Variants in PLCE1 observed in about 807,000 individuals in gnomAD.
PLCE1 encodes the protein 1-phosphatidylinositol 4,5-bisphosphate phosphodiesterase epsilon-1.
In PLCE1, 119 loss-of-function variants were observed where a neutral mutation model predicts 242.8. The ratio of observed to expected loss-of-function variants is 0.49; its 90% CI spans 0.42 to 0.57. The LOEUF (loss-of-function observed/expected upper bound fraction) is 0.57, where lower values mean the gene tolerates loss of function less well. PLCE1 is among the 20% of genes least tolerant of loss of function. The pLI is 0.00. For missense variants in PLCE1, 2,441 were observed against 2,788.8 expected, an observed-to-expected ratio of 0.88 and a Z score of 2.81; for synonymous variants, 945 against 1,017.4, an observed-to-expected ratio of 0.93 and a Z score of 1.35.
intron 4 of PLCE1, among the ~76,000 whole-genome samples, chr10:94,185,055 A>G (rs1015398924): frequency 1.3e-5 from 2 of 152,256 alleles, no homozygotes; most frequent in African/African-American, 4.8e-5. Flanking sequence ...GGAATTTACA[A>G]TCTAGTTCAA....
At chr10:94,248,293 C>T (rs531957531) in intron 8 of PLCE1, among the ~76,000 whole-genome samples, 5 of 152,264 alleles carry the variant, frequency 3.3e-5, no homozygotes, top group East Asian at 3.9e-4. Flanking sequence ...TTTTAGTTAA[C>T]TCGTCTAAAA....
rs151013149 is a variant in PLCE1 at position 94,320,899 on chromosome 10, G to A, written c.6343-1002G>A. 9.2e-5 allele frequency among the ~76,000 whole-genome samples: 14 copies of A among 152,296 alleles called. No individual in the cohort carries two copies. The East Asian group carries it at 2.5e-3, about 27-fold the overall frequency. On this transcript the variant is annotated intron_variant, in intron 29 of 32. Transcript: ENST00000371380. ...TGTTTAAAAGGATGTATTATCCAATGACAGTGGGGTATTTTGTGGCGAATA... is the reference window on the plus strand; with the variant it reads ...TGTTTAAAAGGATGTATTATCCAATAACAGTGGGGTATTTTGTGGCGAATA...
intron 24 of PLCE1, 28 bp from the exon 25 acceptor site, chr10:94,304,454 T>C (rs1342510761): frequency 2.5e-6 from 4 of 1,605,818 alleles, no homozygotes; most frequent in Non-Finnish European, 3.4e-6. Flanking sequence ...ACAAGCTATA[T>C]TGGCTTTCTT....
intron 2 of PLCE1, among the ~76,000 whole-genome samples, chr10:94,093,617 A>G (rs1239073907): frequency 6.6e-6 from 1 of 152,198 alleles, no homozygotes. Flanking sequence ...GCACAGTCCC[A>G]CTGCCCAATT....
At chr10:94,006,404 G>A (rs1589842754) in intron 1 of PLCE1, among the ~76,000 whole-genome samples, 1 of 152,198 alleles carries the variant, frequency 6.6e-6, no homozygotes, top group African/African-American at 2.4e-5. Context: ...TCTACTGTGT[G>A]GTGGAAAAAC....
At chr10:94,074,820 A>G (rs1463956159) in intron 2 of PLCE1, among the ~76,000 whole-genome samples, 1 of 152,128 alleles carries the variant, frequency 6.6e-6, no homozygotes, top group Non-Finnish European at 1.5e-5. Context: ...TCAGATCCCA[A>G]TTTTGCATTG....
chr10:94,065,474 A>G (rs1295730748), intron 2 of PLCE1, among the ~76,000 whole-genome samples: 2 of 152,200 alleles, frequency 1.3e-5, no homozygotes, highest in East Asian at 3.9e-4. Context: ...TTCTTCCTGG[A>G]TGAGAAAGAC....
At chr10:94,203,220 T>C (rs2049037426) in intron 4 of PLCE1, among the ~76,000 whole-genome samples, 1 of 152,166 alleles carries the variant, frequency 6.6e-6, no homozygotes. Flanking sequence ...ACAGTGGTGC[T>C]GCAGATGGAT....
At chr10:94,297,317 G>T (rs2052862419) in intron 23 of PLCE1, among the ~76,000 whole-genome samples, 1 of 152,010 alleles carries the variant, frequency 6.6e-6, no homozygotes, top group Non-Finnish European at 1.5e-5. Flanking sequence ...ATGGGTGAAG[G>T]GCTGGTGGGT....
At chr10:94,160,546 A>T (rs1225510514) in intron 3 of PLCE1, among the ~76,000 whole-genome samples, 1 of 152,066 alleles carries the variant, frequency 6.6e-6, no homozygotes, top group East Asian at 1.9e-4. Context: ...TAGATTGCAA[A>T]AATTTTCTCC....
At chr10:94,129,026 T>C (rs2046517867) in intron 2 of PLCE1, among the ~76,000 whole-genome samples, 1 of 152,216 alleles carries the variant, frequency 6.6e-6, no homozygotes, top group Non-Finnish European at 1.5e-5. Flanking sequence ...AACAGGTCTG[T>C]TGACTGAATC....
chr10:94,268,821 A>C, intron 16 of PLCE1, 108 bp from the exon 17 acceptor site: 1 of 723,594 alleles, frequency 1.4e-6, no homozygotes, highest in South Asian at 1.5e-5. Flanking sequence ...CTTCTGCTTT[A>C]GTCCTGAGTG....
intron 2 of PLCE1, among the ~76,000 whole-genome samples, chr10:94,091,928 G>C (rs1721002488): frequency 6.6e-6 from 1 of 152,078 alleles, no homozygotes; most frequent in African/African-American, 2.4e-5. Context: ...TACCTCCCTG[G>C]AATGAACTAG....
chr10:94,207,651 T>C (rs899747946), intron 4 of PLCE1, among the ~76,000 whole-genome samples: 4 of 152,086 alleles, frequency 2.6e-5, no homozygotes, highest in African/African-American at 9.7e-5. Flanking sequence ...TATTGGATTC[T>C]AAATACCATT....
Position 94,267,163 on chromosome 10 carries a change from T to A in PLCE1, c.4281+1205T>A, listed in dbSNP as rs138398934. Among the ~76,000 whole-genome samples, 596 of 152,354 alleles carry A rather than the reference T, an allele frequency of 3.9e-3. 4 individuals carry two copies. Among genetic ancestry groups the A allele is most frequent in the African/African-American group, 0.013 (544 of 41,578 alleles). ...TATATATATTTCATATACACATTTG[T>A]AGGTACACACATATACATGCGTGTA... On this transcript the variant is annotated intron_variant, in intron 16 of 32. Transcript: ENST00000371380.
intron 22 of PLCE1, among the ~76,000 whole-genome samples, chr10:94,285,293 T>G (rs1041766751): frequency 1.3e-5 from 2 of 152,190 alleles, no homozygotes; most frequent in African/African-American, 4.8e-5. Context: ...TACATCTCCT[T>G]TACCGTTCAT....
intron 4 of PLCE1, among the ~76,000 whole-genome samples, chr10:94,224,458 T>C (rs1194577566): frequency 6.6e-6 from 1 of 152,126 alleles, no homozygotes; most frequent in Non-Finnish European, 1.5e-5. Context: ...CCTGAAAGAA[T>C]GACAACTTTC....
intron 2 of PLCE1, among the ~76,000 whole-genome samples, chr10:94,066,646 C>A (rs1396172349): frequency 2.6e-5 from 4 of 152,136 alleles, no homozygotes; most frequent in Non-Finnish European, 4.4e-5. Context: ...CCCATGCTTG[C>A]GTGTGATTTC....
chr10:94,233,499 C>T (rs1393340262), intron 5 of PLCE1, among the ~76,000 whole-genome samples: 2 of 152,250 alleles, frequency 1.3e-5, no homozygotes, highest in Non-Finnish European at 2.9e-5. Context: ...CTCAAACCTA[C>T]ATTCAGTGCC....
Sources: allele counts gnomAD v4.1 joint callset (sites outside exome capture counted in the v4.1 genomes callset), GRCh38; gene constraint gnomAD v4.1.1; transcripts MANE v1.5; gene names NCBI Gene and HGNC (gene_info 2026-07-23, HGNC 2026-07-21).